The following MYT1L variants were observed in gnomAD, a reference collection of about 807,000 sequenced individuals.
MYT1L encodes the protein myelin transcription factor 1-like protein.
A neutral mutation model predicts 126.7 loss-of-function variants in MYT1L; 12 were observed. The observed-to-expected ratio is 0.09, with a 90% CI of 0.06 to 0.15. MYT1L has a LOEUF of 0.15. Among genes scored for constraint, MYT1L ranks in the 10% least tolerant of loss-of-function variants. MYT1L has a pLI of 1.00. For synonymous variants in MYT1L, 541 were observed against 604.2 expected, an observed-to-expected ratio of 0.90 and a Z score of 1.53; for missense variants, 979 against 1,585.2, an observed-to-expected ratio of 0.62 and a Z score of 6.49.
At chr2:2,119,469 T>C (rs1362680031) in intron 3 of MYT1L, among the ~76,000 whole-genome samples, 1 of 152,246 alleles carries the variant, frequency 6.6e-6, no homozygotes, top group Non-Finnish European at 1.5e-5. Flanking sequence ...TAAAAATTTA[T>C]CTCAATGCAG....
At chr2:2,012,140 C>T (rs1025340400) in intron 4 of MYT1L, among the ~76,000 whole-genome samples, 1 of 152,166 alleles carries the variant, frequency 6.6e-6, no homozygotes, top group Non-Finnish European at 1.5e-5. Context: ...TTTACTGTAA[C>T]TTTATTTGTG....
chr2:2,202,845 T>A (rs1240617673), intron 2 of MYT1L, among the ~76,000 whole-genome samples: 1 of 152,140 alleles, frequency 6.6e-6, no homozygotes, highest in African/African-American at 2.4e-5. Context: ...ACCAATATCC[T>A]TGATGAACAT....
intron 2 of MYT1L, among the ~76,000 whole-genome samples, chr2:2,277,497 G>A (rs990749677): frequency 6.6e-6 from 1 of 152,308 alleles, no homozygotes; most frequent in South Asian, 2.1e-4. Flanking sequence ...CAGAACAGAG[G>A]GAACAGTCAA....
chr2:1,819,578 C>G (rs991816759), intron 21 of MYT1L, among the ~76,000 whole-genome samples: 1 of 152,252 alleles, frequency 6.6e-6, no homozygotes, highest in Non-Finnish European at 1.5e-5. Flanking sequence ...TCCATGCACC[C>G]GTGAGTGACA....
intron 3 of MYT1L, among the ~76,000 whole-genome samples, chr2:2,155,564 A>G (rs1017665726): frequency 6.6e-6 from 1 of 152,164 alleles, no homozygotes; most frequent in Non-Finnish European, 1.5e-5. Context: ...TGTGTCCTGG[A>G]GTCAAGATTT....
chr2:2,207,592 T>A (rs775163899), intron 2 of MYT1L, among the ~76,000 whole-genome samples: 1 of 152,182 alleles, frequency 6.6e-6, no homozygotes, highest in Non-Finnish European at 1.5e-5. Flanking sequence ...GTCTATTTGG[T>A]TCACCACTAA....
intron 2 of MYT1L, among the ~76,000 whole-genome samples, chr2:2,247,652 C>A (rs1338636570): frequency 6.6e-6 from 1 of 152,040 alleles, no homozygotes; most frequent in Admixed American, 6.6e-5. Flanking sequence ...TTAAAACATT[C>A]AAAAAATTGA....
chr2:1,923,333 GC>G (rs2053811931), intron 9 of MYT1L, 70 bp from the exon 10 acceptor site: 3 of 1,297,288 alleles, frequency 2.3e-6, no homozygotes, highest in Non-Finnish European at 3.2e-6. Flanking sequence ...AAGCTTAGTT[GC>G]AACAGCATGG....
intron 3 of MYT1L, among the ~76,000 whole-genome samples, chr2:2,124,941 T>C (rs990980769): frequency 7.9e-5 from 12 of 152,190 alleles, no homozygotes; most frequent in African/African-American, 2.9e-4. Context: ...TTTCAACAAA[T>C]ACAATTTACC....
In MYT1L at chr2:2,185,690, G is replaced by A. The variant is rs374787569; in HGVS notation, c.-420-12702C>T. On this transcript the variant is annotated intron_variant, in intron 2 of 24. Coordinates refer to ENST00000647738, the MANE Select transcript of MYT1L (RefSeq NM_001303052.2). ...TTCCTTACGTGAGGGGGACGCAGCC[G>A]GGCCTTCCGGGCCTTCCCGAGTCCC... Among the ~76,000 whole-genome samples the A allele has an allele frequency of 1.9e-3, 234 of 124,914 alleles. 6 individuals carry two copies. Among genetic ancestry groups the A allele is most frequent in the African/African-American group, 7.0e-3 (217 of 31,128 alleles). The allele number at this position is 124,914 out of a possible 152,430, so 81.9% of individuals were successfully genotyped here. A position where few individuals can be genotyped will look rare whatever the true frequency, so the allele number is the denominator to read the frequency against.
intron 21 of MYT1L, among the ~76,000 whole-genome samples, chr2:1,832,206 C>A (rs1179809970): frequency 6.6e-6 from 1 of 152,016 alleles, no homozygotes; most frequent in African/African-American, 2.4e-5. Flanking sequence ...AGAGGAGATG[C>A]CAGCGAGCCT....
chr2:2,241,375 T>C (rs1181301056), intron 2 of MYT1L, among the ~76,000 whole-genome samples: 1 of 152,168 alleles, frequency 6.6e-6, no homozygotes, highest in East Asian at 1.9e-4. Flanking sequence ...GAAGTGAATT[T>C]GCCTTTCTCG....
chr2:1,969,556 C>T lies in MYT1L; in HGVS notation c.152+9609G>A, dbSNP rs372756022. Among the ~76,000 whole-genome samples the T allele has an allele frequency of 6.6e-5, 10 of 152,296 alleles. 1 individual carries two copies. In the East Asian group the frequency reaches 1.7e-3, roughly 26 times the overall value. ...ACGCTGATGTTCTGGATCAGGGAAC[C>T]CCACTTGGGGAACCCCGGCTCTAGG... On this transcript the variant is annotated intron_variant, in intron 8 of 24. Transcript: ENST00000647738.
chr2:2,092,378 A>G (rs2076993711), intron 3 of MYT1L, among the ~76,000 whole-genome samples: 1 of 152,226 alleles, frequency 6.6e-6, no homozygotes, highest in Non-Finnish European at 1.5e-5. Context: ...GCCATCTCCA[A>G]TGGGTGCTGT....
intron 2 of MYT1L, among the ~76,000 whole-genome samples, chr2:2,276,322 A>G (rs983823562): frequency 2.0e-5 from 3 of 152,168 alleles, no homozygotes; most frequent in African/African-American, 7.2e-5. Context: ...TCGCTCAACC[A>G]GGACCATGAC....
chr2:1,889,190 G>A lies in MYT1L; in HGVS notation c.2520+51C>T. ...GCAAATGGCTTTTCTTTCAGCTGGG[G>A]CCCCATTTTTAAGTCTGGCAGTCAA... On this transcript the variant is annotated intron_variant, in intron 16 of 24. Coordinates refer to ENST00000647738, the MANE Select transcript of MYT1L (RefSeq NM_001303052.2). This position sits in a 1 kb window ranked among gnomAD's most constrained non-coding sequence, Gnocchi z 4.1. 1 of 1,478,738 alleles carries A rather than the reference G, an allele frequency of 6.8e-7. No homozygotes were observed. The allele number at this position is 1,478,738 out of a possible 1,614,324, so 91.6% of individuals were successfully genotyped here.
chr2:2,324,880 G>A (rs1232983315), intron 1 of MYT1L: 1 of 152,294 alleles, frequency 6.6e-6, no homozygotes, highest in African/African-American at 2.4e-5. Context: ...TACAGCTGTG[G>A]ATTAAACCAG....
chr2:2,168,487 T>C (rs1249775822), intron 3 of MYT1L, among the ~76,000 whole-genome samples: 1 of 152,174 alleles, frequency 6.6e-6, no homozygotes, highest in Non-Finnish European at 1.5e-5. Flanking sequence ...TGTTTCTAAA[T>C]TGTGAGCAAA....
intron 18 of MYT1L, chr2:1,885,589 T>C (rs1318683640): frequency 1.3e-5 from 2 of 152,626 alleles, no homozygotes; most frequent in African/African-American, 4.8e-5. Flanking sequence ...TGGGGTGGGA[T>C]GATTGGGAAA....
Sources: allele counts gnomAD v4.1 joint callset (sites outside exome capture counted in the v4.1 genomes callset), GRCh38; gene constraint gnomAD v4.1.1; non-coding constraint Gnocchi (gnomAD v3.1); transcripts MANE v1.5; gene names NCBI Gene and HGNC (gene_info 2026-07-23, HGNC 2026-07-21).